The following CTDSPL variants were observed in gnomAD, a reference collection of about 807,000 sequenced individuals.
CTDSPL encodes CTD small phosphatase like.
CTDSPL carries 8 observed loss-of-function variants against 30.5 expected under a neutral mutation model. That is an observed-to-expected ratio of 0.26 (90% CI 0.15 to 0.47). The LOEUF is 0.47. CTDSPL is among the 20% of genes least tolerant of loss of function. CTDSPL has a pLI of 0.99. For synonymous variants in CTDSPL, 110 were observed against 137.9 expected, an observed-to-expected ratio of 0.80 and a Z score of 1.42; for missense variants, 248 against 366.1, an observed-to-expected ratio of 0.68 and a Z score of 2.63.
chr3:37,890,398 G>A (rs926645110), intron 1 of CTDSPL, among the ~76,000 whole-genome samples: 13 of 152,140 alleles, frequency 8.5e-5, no homozygotes, highest in Non-Finnish European at 1.9e-4. Flanking sequence ...GAGCTAAAAT[G>A]TAAACAGTTA....
intron 1 of CTDSPL, among the ~76,000 whole-genome samples, chr3:37,940,460 G>A (rs1334194954): frequency 1.3e-5 from 2 of 150,644 alleles, no homozygotes; most frequent in African/African-American, 4.8e-5. Flanking sequence ...CTCAGACAGT[G>A]TCGTCAGAAA....
At chr3:37,929,876 T>TG (rs981225197) in intron 1 of CTDSPL, among the ~76,000 whole-genome samples, 36 of 151,998 alleles carry the variant, frequency 2.4e-4, no homozygotes, top group African/African-American at 8.7e-4. Flanking sequence ...GGGAGGCTGA[T>TG]GCAGGTGGAT....
At chr3:37,911,588 A>G (rs921302034) in intron 1 of CTDSPL, 6 of 441,702 alleles carry the variant, frequency 1.4e-5, no homozygotes, top group African/African-American at 1.2e-4. Context: ...CTGAACCCCC[A>G]ACATGAACCT....
chr3:37,869,698 G>T (rs904184629), intron 1 of CTDSPL, among the ~76,000 whole-genome samples: 1 of 152,120 alleles, frequency 6.6e-6, no homozygotes, highest in African/African-American at 2.4e-5. Context: ...CAGTCTTAGG[G>T]GGAAACCATT....
chr3:37,952,197 C>T (rs1190927664), intron 2 of CTDSPL, among the ~76,000 whole-genome samples: 1 of 150,426 alleles, frequency 6.6e-6, no homozygotes, highest in Non-Finnish European at 1.5e-5. Flanking sequence ...AAAAAAGAAA[C>T]AGAAAGAAGG....
intron 1 of CTDSPL, among the ~76,000 whole-genome samples, chr3:37,868,871 T>A (rs1260255345): frequency 6.6e-6 from 1 of 152,144 alleles, no homozygotes; most frequent in Non-Finnish European, 1.5e-5. Context: ...TTTTCAAAAT[T>A]GTTTTAGCTG....
chr3:37,947,930 A>C (rs892113468), intron 2 of CTDSPL, among the ~76,000 whole-genome samples: 3 of 152,234 alleles, frequency 2.0e-5, no homozygotes, highest in Non-Finnish European at 4.4e-5. Context: ...TAGGTCAAAA[A>C]CCAAAATCTA....
intron 2 of CTDSPL, among the ~76,000 whole-genome samples, chr3:37,950,754 C>T (rs1252006238): frequency 6.6e-6 from 1 of 152,186 alleles, no homozygotes; most frequent in East Asian, 1.9e-4. Flanking sequence ...TAGAGGAGCA[C>T]ATGCCTAGAT....
At chr3:37,905,630 G>T (rs558092061) in intron 1 of CTDSPL, among the ~76,000 whole-genome samples, 131 of 152,320 alleles carry the variant, frequency 8.6e-4, no homozygotes, top group African/African-American at 2.9e-3. Context: ...CACTGCAGAA[G>T]TGCAGACATG....
intron 7 of CTDSPL, among the ~76,000 whole-genome samples, chr3:37,976,609 C>T (rs1012585138): frequency 5.4e-5 from 8 of 148,094 alleles, no homozygotes; most frequent in Admixed American, 1.4e-4. Flanking sequence ...TCCAGCCTGG[C>T]GACAGATGGA....
chr3:37,945,316 T>G (rs1473016818), intron 1 of CTDSPL, among the ~76,000 whole-genome samples: 3 of 150,504 alleles, frequency 2.0e-5, no homozygotes, highest in African/African-American at 7.3e-5. Context: ...AAGATTGTAT[T>G]CAGCATGGCA....
intron 3 of CTDSPL, among the ~76,000 whole-genome samples, chr3:37,961,977 C>T (rs1429666096): frequency 1.3e-5 from 2 of 152,228 alleles, no homozygotes; most frequent in East Asian, 1.9e-4. Context: ...CATTCCCAAA[C>T]CGTGGATGGC....
intron 1 of CTDSPL, among the ~76,000 whole-genome samples, chr3:37,899,542 C>T (rs952414907): frequency 1.3e-5 from 2 of 152,072 alleles, no homozygotes; most frequent in Admixed American, 6.6e-5. Context: ...TAGAGTTTGG[C>T]GTTGAGAAAC....
chr3:37,938,892 A>G (rs1698945399), intron 1 of CTDSPL, among the ~76,000 whole-genome samples: 1 of 149,762 alleles, frequency 6.7e-6, no homozygotes, highest in Admixed American at 6.7e-5. Flanking sequence ...ATGAGATTTC[A>G]TAGAAAAGAC....
intron 1 of CTDSPL, among the ~76,000 whole-genome samples, chr3:37,900,332 C>G (rs1347577811): frequency 1.1e-4 from 17 of 152,104 alleles, no homozygotes; most frequent in Admixed American, 1.1e-3. Context: ...TGTATACAAC[C>G]CCTGAACTGA....
chr3:37,945,647 A>G (rs1007780816), intron 1 of CTDSPL, among the ~76,000 whole-genome samples: 4 of 152,198 alleles, frequency 2.6e-5, no homozygotes, highest in African/African-American at 9.7e-5. Context: ...CTGGTACTCT[A>G]TGACAGGCAC....
chr3:37,907,650 A>T (rs1698533575), intron 1 of CTDSPL, among the ~76,000 whole-genome samples: 1 of 152,226 alleles, frequency 6.6e-6, no homozygotes, highest in Non-Finnish European at 1.5e-5. Context: ...TAGGAACTGT[A>T]CGTGTATCAG....
chr3:37,923,639 A>G (rs190901949), intron 1 of CTDSPL, among the ~76,000 whole-genome samples: 1 of 152,344 alleles, frequency 6.6e-6, no homozygotes, highest in African/African-American at 2.4e-5. Context: ...TCTTAAACAT[A>G]TCTTATAAAG....
At chr3:37,941,719 G>A (rs1698980832) in intron 1 of CTDSPL, among the ~76,000 whole-genome samples, 1 of 150,274 alleles carries the variant, frequency 6.7e-6, no homozygotes, top group African/African-American at 2.4e-5. Flanking sequence ...GGGATAAGGA[G>A]GAGAAAGAGG....
Sources: gnomAD v4.1 joint callset for allele counts (sites outside exome capture counted in the v4.1 genomes callset) on GRCh38, gnomAD v4.1.1 for gene constraint, MANE v1.5 for transcripts, NCBI Gene and HGNC (gene_info 2026-07-23, HGNC 2026-07-21) for gene names.